Variants in CDH13 observed in about 807,000 individuals in gnomAD.
CDH13 encodes the protein cadherin-13.
In CDH13, 24 loss-of-function variants were observed where a neutral mutation model predicts 63.8. That is an observed-to-expected ratio of 0.38 (90% confidence interval 0.27 to 0.53). The LOEUF (loss-of-function observed/expected upper bound fraction) is 0.53, where lower values mean the gene tolerates loss of function less well. CDH13 is among the 20% of genes least tolerant of loss of function. The pLI, the probability that CDH13 is intolerant of heterozygous loss-of-function variation, is 0.85. For synonymous variants in CDH13, 503 were observed against 355.3 expected, an observed-to-expected ratio of 1.42 and a Z score of -4.67; for missense variants, 1,049 against 903.1, an observed-to-expected ratio of 1.16 and a Z score of -2.07.
At chr16:82,869,011 T>C (rs550363733) in intron 2 of CDH13, among the ~76,000 whole-genome samples, 2 of 152,318 alleles carry the variant, frequency 1.3e-5, no homozygotes, top group South Asian at 2.1e-4. Flanking sequence ...GAGGGCTAAA[T>C]ATTAATCTAT....
chr16:83,543,336 C>T (rs1231625205), intron 7 of CDH13, among the ~76,000 whole-genome samples: 2 of 152,136 alleles, frequency 1.3e-5, no homozygotes, highest in African/African-American at 4.8e-5. Flanking sequence ...GCTTTTATTC[C>T]ACCTTATGGA....
At chr16:82,688,168 A>G (rs936123556) in intron 1 of CDH13, among the ~76,000 whole-genome samples, 8 of 152,188 alleles carry the variant, frequency 5.3e-5, no homozygotes, top group African/African-American at 1.7e-4. Flanking sequence ...TCTTGCCTCA[A>G]GTGAACCAGC....
At chr16:83,466,080 C>T (rs35265461) in intron 6 of CDH13, among the ~76,000 whole-genome samples, 1 of 152,166 alleles carries the variant, frequency 6.6e-6, no homozygotes, top group South Asian at 2.1e-4. Flanking sequence ...GACCACCCCC[C>T]GCAACCCCAT....
chr16:82,908,803 C>T (rs2041729810), intron 2 of CDH13, among the ~76,000 whole-genome samples: 1 of 152,198 alleles, frequency 6.6e-6, no homozygotes, highest in Non-Finnish European at 1.5e-5. Flanking sequence ...AAAACCTAGG[C>T]ACATTCTCCC....
At chr16:83,771,141 C>T (rs1047563018) in intron 11 of CDH13, among the ~76,000 whole-genome samples, 2 of 152,160 alleles carry the variant, frequency 1.3e-5, no homozygotes, top group East Asian at 1.9e-4. Context: ...TGTATGATAA[C>T]AGGTGCTCGA....
chr16:83,569,543 T>A (rs1904375444), intron 7 of CDH13, among the ~76,000 whole-genome samples: 1 of 152,208 alleles, frequency 6.6e-6, no homozygotes, highest in Admixed American at 6.5e-5. Context: ...TTTTTCTATT[T>A]TTTTCTAAAA....
At chr16:83,159,110 AT>A (rs2037338618) in intron 4 of CDH13, among the ~76,000 whole-genome samples, 1 of 149,636 alleles carries the variant, frequency 6.7e-6, no homozygotes, top group African/African-American at 2.5e-5. Flanking sequence ...TAGCTTATCT[AT>A]TTTTTTCTGT....
chr16:82,742,861 T>A (rs892149615), intron 1 of CDH13, among the ~76,000 whole-genome samples: 7 of 151,978 alleles, frequency 4.6e-5, no homozygotes, highest in African/African-American at 1.7e-4. Flanking sequence ...ATACTGAAAA[T>A]CCCTCCATGA....
intron 13 of CDH13, among the ~76,000 whole-genome samples, chr16:83,786,680 C>T (rs1040389014): frequency 2.6e-5 from 4 of 152,016 alleles, no homozygotes; most frequent in East Asian, 3.9e-4. Context: ...CTCCGTCTCC[C>T]GGGTTCAAGT....
Position 83,548,260 on chromosome 16 carries a change from A to G in CDH13, c.961-54194A>G, listed in dbSNP as rs2075425936. On this transcript the variant is annotated intron_variant, in intron 7 of 13. Coordinates refer to ENST00000567109, the MANE Select transcript of CDH13 (RefSeq NM_001257.5). ...ATGGCTTATTTAGCTCAGTGGTCCT[A>G]AACCAGGGACAGTTGTGTCTTCCAA... Among the ~76,000 whole-genome samples, 5 of 152,180 alleles carry G rather than the reference A, an allele frequency of 3.3e-5. No individual in the cohort carries two copies. In the South Asian group the frequency reaches 1.0e-3, roughly 32 times the overall value.
intron 2 of CDH13, among the ~76,000 whole-genome samples, chr16:82,861,951 C>T (rs552372166): frequency 1.3e-5 from 2 of 152,284 alleles, no homozygotes; most frequent in East Asian, 3.9e-4. Context: ...GAAAGTTTAT[C>T]TGGGAAAATG....
At chr16:82,833,573 A>C (rs1339718191) in intron 1 of CDH13, among the ~76,000 whole-genome samples, 1 of 152,226 alleles carries the variant, frequency 6.6e-6, no homozygotes, top group African/African-American at 2.4e-5. Context: ...TAACCATTCC[A>C]GGGCTTTCCA....
chr16:82,947,916 A>G (rs556192010), intron 2 of CDH13, among the ~76,000 whole-genome samples: 49 of 152,290 alleles, frequency 3.2e-4, no homozygotes, highest in African/African-American at 1.1e-3. Context: ...AGTGTGTGAC[A>G]TTTTAAGTGC....
chr16:83,101,022 C>G (rs1347922071), intron 3 of CDH13, among the ~76,000 whole-genome samples: 3 of 152,012 alleles, frequency 2.0e-5, no homozygotes, highest in Non-Finnish European at 4.4e-5. Flanking sequence ...TATTTCAGTT[C>G]ATGGTAAAGG....
intron 2 of CDH13, among the ~76,000 whole-genome samples, chr16:82,956,608 C>G (rs1392542368): frequency 6.6e-6 from 1 of 152,188 alleles, no homozygotes; most frequent in Non-Finnish European, 1.5e-5. Flanking sequence ...TTCTTTAATA[C>G]AGCAGCGCCT....
intron 1 of CDH13, among the ~76,000 whole-genome samples, chr16:82,769,000 A>C (rs767290856): frequency 2.6e-5 from 4 of 152,228 alleles, no homozygotes; most frequent in African/African-American, 7.2e-5. Context: ...TTAAAAAGAC[A>C]GCTGGCAAGA....
chr16:82,858,508 T>A (rs751182822), intron 2 of CDH13, 35 bp downstream of exon 2: 1 of 1,231,106 alleles, frequency 8.1e-7, no homozygotes. Flanking sequence ...TTTTAGACTC[T>A]TCTCATATTT....
intron 1 of CDH13, among the ~76,000 whole-genome samples, chr16:82,666,298 T>A (rs1211388169): frequency 1.3e-5 from 2 of 152,236 alleles, no homozygotes; most frequent in African/African-American, 4.8e-5. Flanking sequence ...CCACAGGCAG[T>A]ATCTTGTGTA....
intron 6 of CDH13, among the ~76,000 whole-genome samples, chr16:83,467,079 C>T (rs577410956): frequency 1.3e-5 from 2 of 152,206 alleles, no homozygotes; most frequent in African/African-American, 4.8e-5. Context: ...AAAATTTCTC[C>T]ATAAAATTTA....
Sources: gnomAD v4.1 joint callset for allele counts (sites outside exome capture counted in the v4.1 genomes callset) on GRCh38, gnomAD v4.1.1 for gene constraint, MANE v1.5 for transcripts, NCBI Gene and HGNC (gene_info 2026-07-23, HGNC 2026-07-21) for gene names.